GRXCR1: variants seen among roughly 807,000 people sequenced by gnomAD.
GRXCR1 encodes glutaredoxin domain-containing cysteine-rich protein 1.
GRXCR1 carries 27 observed loss-of-function variants against 27.3 expected under a neutral mutation model. The ratio of observed to expected loss-of-function variants is 0.99; its 90% CI spans 0.73 to 1.37. GRXCR1 has a LOEUF of 1.37. GRXCR1 is among the 40% of genes most tolerant of loss of function. GRXCR1 has a pLI of 0.00. For missense variants in GRXCR1, 379 were observed against 354.4 expected, an observed-to-expected ratio of 1.07 and a Z score of -0.56; for synonymous variants, 122 against 131.1, an observed-to-expected ratio of 0.93 and a Z score of 0.47.
At chr4:43,008,905 G>A (rs77521608) in intron 2 of GRXCR1, among the ~76,000 whole-genome samples, 3 of 152,178 alleles carry the variant, frequency 2.0e-5, no homozygotes, top group African/African-American at 7.2e-5. Context: ...TGCTTGAAGA[G>A]CATCTTATTA....
intron 2 of GRXCR1, among the ~76,000 whole-genome samples, chr4:42,987,255 AT>A (rs796791410): frequency 2.8e-4 from 19 of 67,974 alleles, no homozygotes; most frequent in African/African-American, 7.7e-4. Flanking sequence ...TATAATATAT[AT>A]ATATAATATA....
At chr4:42,937,356 C>A (rs1747485045) in intron 1 of GRXCR1, among the ~76,000 whole-genome samples, 2 of 151,120 alleles carry the variant, frequency 1.3e-5, no homozygotes, top group South Asian at 2.1e-4. Context: ...TTTTTCTGCC[C>A]CAGTGCTATA....
chr4:42,962,800 C>A, intron 1 of GRXCR1, 92 bp from the exon 2 acceptor site: 1 of 1,433,956 alleles, frequency 7.0e-7, no homozygotes, highest in Non-Finnish European at 9.8e-7. Context: ...AATTTTATTG[C>A]ATGGCTTTAA....
intron 1 of GRXCR1, among the ~76,000 whole-genome samples, chr4:42,927,676 G>GA (rs1038278349): frequency 3.2e-4 from 47 of 147,696 alleles, no homozygotes; most frequent in Middle Eastern, 3.4e-3. Flanking sequence ...CAAGAAAACA[G>GA]AAAAAAAAAA....
chr4:42,944,077 G>A (rs542396303), intron 1 of GRXCR1, among the ~76,000 whole-genome samples: 1 of 152,150 alleles, frequency 6.6e-6, no homozygotes, highest in African/African-American at 2.4e-5. Flanking sequence ...GGCAGCAATA[G>A]GAACAGAGCA....
intron 2 of GRXCR1, among the ~76,000 whole-genome samples, chr4:43,010,609 A>T (rs1420450437): frequency 6.6e-6 from 1 of 152,060 alleles, no homozygotes; most frequent in Admixed American, 6.6e-5. Context: ...TGGGGTGGGG[A>T]TGGAGGTAAT....
At chr4:43,018,423 G>A (rs189853654) in intron 2 of GRXCR1, among the ~76,000 whole-genome samples, 24 of 152,264 alleles carry the variant, frequency 1.6e-4, no homozygotes, top group African/African-American at 5.5e-4. Flanking sequence ...ATGCCTTTAA[G>A]TACTTTGCTT....
intron 2 of GRXCR1, among the ~76,000 whole-genome samples, chr4:42,970,623 G>A (rs1035377081): frequency 1.3e-5 from 2 of 152,108 alleles, no homozygotes; most frequent in African/African-American, 4.8e-5. Flanking sequence ...AGAGCAACAT[G>A]TCCCAAGGCT....
intron 1 of GRXCR1, among the ~76,000 whole-genome samples, chr4:42,894,906 A>AT (rs1369940619): frequency 6.6e-6 from 1 of 152,084 alleles, no homozygotes; most frequent in Non-Finnish European, 1.5e-5. Flanking sequence ...GTAGACCAAG[A>AT]TTTTTTGCAA....
chr4:42,990,534 A>G (rs1488866838), intron 2 of GRXCR1, among the ~76,000 whole-genome samples: 3 of 151,962 alleles, frequency 2.0e-5, no homozygotes, highest in East Asian at 1.9e-4. Flanking sequence ...TTTTCATAGT[A>G]TATTTAAATT....
chr4:42,901,262 C>G (rs190682612), intron 1 of GRXCR1, among the ~76,000 whole-genome samples: 2 of 152,170 alleles, frequency 1.3e-5, no homozygotes, highest in Non-Finnish European at 2.9e-5. Flanking sequence ...AATCAAATCA[C>G]TACAAACTTA....
intron 2 of GRXCR1, among the ~76,000 whole-genome samples, chr4:43,017,504 G>A (rs570601053): frequency 6.6e-6 from 1 of 152,166 alleles, no homozygotes; most frequent in Non-Finnish European, 1.5e-5. Context: ...CTTAAAAAAT[G>A]CTTACTTCGC....
chr4:42,969,467 A>G (rs573605985), intron 2 of GRXCR1, among the ~76,000 whole-genome samples: 1 of 152,294 alleles, frequency 6.6e-6, no homozygotes, highest in South Asian at 2.1e-4. Flanking sequence ...CTGAAAGCAT[A>G]CAGTCATATG....
chr4:42,974,875 GA>G (rs1355030677), intron 2 of GRXCR1, among the ~76,000 whole-genome samples: 1 of 152,104 alleles, frequency 6.6e-6, no homozygotes, highest in Non-Finnish European at 1.5e-5. Flanking sequence ...CCTATTGTCA[GA>G]ATTGTGAGTT....
intron 2 of GRXCR1, among the ~76,000 whole-genome samples, chr4:42,972,857 T>G (rs1322444962): frequency 2.0e-5 from 3 of 152,112 alleles, no homozygotes; most frequent in African/African-American, 7.2e-5. Context: ...TCAGTTCTAC[T>G]CTTTAGCAGC....
intron 2 of GRXCR1, among the ~76,000 whole-genome samples, chr4:42,992,978 T>TC (rs979643447): frequency 3.3e-4 from 50 of 152,076 alleles, no homozygotes; most frequent in African/African-American, 9.7e-4. Flanking sequence ...GAAGGCTTTT[T>TC]CCCCCCTTCC....
At chr4:43,014,646 A>G (rs9995893) in intron 2 of GRXCR1, among the ~76,000 whole-genome samples, 3 of 152,048 alleles carry the variant, frequency 2.0e-5, no homozygotes, top group Admixed American at 6.6e-5. Flanking sequence ...ATCCTTCTCA[A>G]TCCTCTATGT....
chr4:42,966,491 G>C (rs1156418760), intron 2 of GRXCR1, among the ~76,000 whole-genome samples: 1 of 152,074 alleles, frequency 6.6e-6, no homozygotes, highest in Non-Finnish European at 1.5e-5. Context: ...AAGACCACTA[G>C]TATTGAGCGT....
chr4:42,968,666 G>A (rs558916060), intron 2 of GRXCR1, among the ~76,000 whole-genome samples: 93 of 152,036 alleles, frequency 6.1e-4, no homozygotes, highest in South Asian at 1.5e-3. Flanking sequence ...GTATAAGGTA[G>A]TTACTGAAAC....
Sources: allele counts gnomAD v4.1 joint callset (sites outside exome capture counted in the v4.1 genomes callset), GRCh38; gene constraint gnomAD v4.1.1; transcripts MANE v1.5; gene names NCBI Gene and HGNC (gene_info 2026-07-23, HGNC 2026-07-21).